Variants in NKAIN3 observed in about 807,000 individuals in gnomAD.
The protein encoded by NKAIN3 is sodium/potassium-transporting ATPase subunit beta-1-interacting protein 3.
In NKAIN3, 25 loss-of-function variants were observed where a neutral mutation model predicts 30.2. The observed-to-expected ratio is 0.83, with a 90% CI of 0.60 to 1.16. NKAIN3 has a LOEUF of 1.16. Ranked by LOEUF, NKAIN3 falls within the 50% of genes most tolerant of loss-of-function variation. NKAIN3 has a pLI of 0.00. For missense variants in NKAIN3, 225 were observed against 254.1 expected, an observed-to-expected ratio of 0.89 and a Z score of 0.78; for synonymous variants, 91 against 89.6, an observed-to-expected ratio of 1.02 and a Z score of -0.09.
At chr8:62,315,016 A>G (rs759256015) in intron 1 of NKAIN3, among the ~76,000 whole-genome samples, 4 of 152,118 alleles carry the variant, frequency 2.6e-5, no homozygotes, top group Non-Finnish European at 5.9e-5. Context: ...TTTACTGGGG[A>G]TATAATAGCC....
chr8:62,567,334 A>G (rs538475259), intron 1 of NKAIN3, among the ~76,000 whole-genome samples: 2 of 152,284 alleles, frequency 1.3e-5, no homozygotes, highest in Admixed American at 1.3e-4. Flanking sequence ...GCCCACTAGC[A>G]GGCAGGGTAC....
At chr8:62,364,828 CAAA>C (rs58784999) in intron 1 of NKAIN3, among the ~76,000 whole-genome samples, 29 of 63,758 alleles carry the variant, frequency 4.5e-4, no homozygotes, top group African/African-American at 1.5e-3. Flanking sequence ...GACTCCACTA[CAAA>C]AAAAAAAAAA....
intron 3 of NKAIN3, among the ~76,000 whole-genome samples, chr8:62,706,984 C>G (rs565763164): frequency 1.3e-5 from 2 of 152,034 alleles, no homozygotes; most frequent in South Asian, 2.1e-4. Context: ...AGTCTCCAAT[C>G]TCATCCAGGT....
intron 1 of NKAIN3, among the ~76,000 whole-genome samples, chr8:62,574,763 A>C (rs188320833): frequency 6.6e-6 from 1 of 152,188 alleles, no homozygotes; most frequent in Admixed American, 6.5e-5. Context: ...ATCATATCTT[A>C]TTGTAGTTTT....
At chr8:62,834,717 T>C (rs1819305822) in intron 4 of NKAIN3, among the ~76,000 whole-genome samples, 1 of 152,166 alleles carries the variant, frequency 6.6e-6, no homozygotes, top group South Asian at 2.1e-4. Context: ...TCCATGCTCA[T>C]GGATTGGAAG....
At chr8:62,352,552 C>T (rs998791819) in intron 1 of NKAIN3, among the ~76,000 whole-genome samples, 2 of 152,180 alleles carry the variant, frequency 1.3e-5, no homozygotes, top group African/African-American at 4.8e-5. Flanking sequence ...CTGGAGGATT[C>T]TTTGAGGGAA....
intron 1 of NKAIN3, among the ~76,000 whole-genome samples, chr8:62,470,886 T>C (rs1585844573): frequency 1.5e-5 from 2 of 132,946 alleles, no homozygotes; most frequent in East Asian, 4.4e-4. Flanking sequence ...TATTGATCCA[T>C]TTTAACTGCT....
intron 3 of NKAIN3, among the ~76,000 whole-genome samples, chr8:62,605,325 G>T (rs1041474097): frequency 6.6e-6 from 1 of 152,008 alleles, no homozygotes; most frequent in Non-Finnish European, 1.5e-5. Flanking sequence ...GGAGCTTTCA[G>T]ACCAGCCCTG....
intron 4 of NKAIN3, chr8:62,863,377 T>A: frequency 6.5e-7 from 1 of 1,546,782 alleles, no homozygotes; most frequent in South Asian, 1.2e-5. Flanking sequence ...CACATATGCA[T>A]CATCCATACA....
chr8:62,701,266 T>C (rs908646840), intron 3 of NKAIN3, among the ~76,000 whole-genome samples: 1 of 152,170 alleles, frequency 6.6e-6, no homozygotes, highest in Non-Finnish European at 1.5e-5. Flanking sequence ...GAGTCTCAGT[T>C]TGGTGTTGCA....
intron 4 of NKAIN3, among the ~76,000 whole-genome samples, chr8:62,797,313 A>T (rs573169043): frequency 6.6e-6 from 1 of 152,230 alleles, no homozygotes; most frequent in Middle Eastern, 3.2e-3. Flanking sequence ...AGAAATCCAC[A>T]TAATAGACTC....
At chr8:62,789,108 C>G (rs1388431056) in intron 4 of NKAIN3, among the ~76,000 whole-genome samples, 1 of 151,750 alleles carries the variant, frequency 6.6e-6, no homozygotes, top group East Asian at 1.9e-4. Context: ...CATTGAATCT[C>G]TAAATTACCT....
intron 5 of NKAIN3, among the ~76,000 whole-genome samples, chr8:62,926,375 C>G (rs948265633): frequency 6.6e-6 from 1 of 152,172 alleles, no homozygotes; most frequent in Non-Finnish European, 1.5e-5. Flanking sequence ...CTGCCAGCCC[C>G]CCTGTGGGTT....
chr8:62,820,864 C>G (rs570755296), intron 4 of NKAIN3, among the ~76,000 whole-genome samples: 1 of 152,184 alleles, frequency 6.6e-6, no homozygotes, highest in South Asian at 2.1e-4. Flanking sequence ...GCATATTTAG[C>G]TAAGTAATTT....
intron 1 of NKAIN3, among the ~76,000 whole-genome samples, chr8:62,280,692 C>T (rs369304376): frequency 5.3e-5 from 8 of 152,182 alleles, no homozygotes; most frequent in African/African-American, 1.4e-4. Flanking sequence ...GATTTGCATA[C>T]GTTGAACCAC....
chr8:62,768,679 T>C (rs1816923573), intron 4 of NKAIN3, among the ~76,000 whole-genome samples: 1 of 152,194 alleles, frequency 6.6e-6, no homozygotes, highest in Non-Finnish European at 1.5e-5. Context: ...CAACATAACC[T>C]ACTCCAACCT....
chr8:62,894,930 G>A (rs1821389611), intron 4 of NKAIN3, among the ~76,000 whole-genome samples: 2 of 152,146 alleles, frequency 1.3e-5, no homozygotes, highest in Admixed American at 6.6e-5. Context: ...AGAACAAAAG[G>A]ATATCACTCC....
At chr8:62,502,765 G>C (rs781039738) in intron 1 of NKAIN3, among the ~76,000 whole-genome samples, 10 of 152,110 alleles carry the variant, frequency 6.6e-5, no homozygotes, top group African/African-American at 2.2e-4. Flanking sequence ...AGCTTGATGG[G>C]CACAGATGTT....
Position 62,968,812 on chromosome 8 carries a change from G to C in NKAIN3, c.*3405G>C, listed in dbSNP as rs76982578. Among the ~76,000 whole-genome samples the C allele has an allele frequency of 5.5e-3, 839 of 152,168 alleles. 42 individuals carry two copies. The East Asian group carries it at 0.13, about 23-fold the overall frequency. On this transcript the variant is annotated 3_prime_UTR_variant, in exon 7 of 7. Coordinates refer to ENST00000623646, the MANE Select transcript of NKAIN3 (RefSeq NM_001304533.3). ...ACCTCGTGCAGCACCGCAGGAAGCT[G>C]GGATGCTTTCGAGCTTACTTTTTCT...
Sources: allele counts gnomAD v4.1 joint callset (sites outside exome capture counted in the v4.1 genomes callset), GRCh38; gene constraint gnomAD v4.1.1; transcripts MANE v1.5; gene names NCBI Gene and HGNC (gene_info 2026-07-23, HGNC 2026-07-21).